Variants in TFDP2 observed in about 807,000 individuals in gnomAD.
The protein encoded by TFDP2 is transcription factor Dp-2.
A neutral mutation model predicts 59.3 loss-of-function variants in TFDP2; 17 were observed. That is an observed-to-expected ratio of 0.29 (90% CI 0.20 to 0.43). The LOEUF is 0.43. Among genes scored for constraint, TFDP2 ranks in the 20% least tolerant of loss-of-function variants. TFDP2 has a pLI of 1.00. For synonymous variants in TFDP2, 180 were observed against 194.7 expected, an observed-to-expected ratio of 0.92 and a Z score of 0.63; for missense variants, 391 against 528.8, an observed-to-expected ratio of 0.74 and a Z score of 2.56.
chr3:142,082,651 C>T (rs2060676764), intron 3 of TFDP2, among the ~76,000 whole-genome samples: 1 of 152,144 alleles, frequency 6.6e-6, no homozygotes, highest in Non-Finnish European at 1.5e-5. Flanking sequence ...TATTCAACAA[C>T]ACATTAAAAA....
chr3:141,980,365 C>T (rs910154564), intron 6 of TFDP2, among the ~76,000 whole-genome samples: 1 of 151,522 alleles, frequency 6.6e-6, no homozygotes, highest in African/African-American at 2.4e-5. Flanking sequence ...ATTGGGGTAT[C>T]CGTCATCTCA....
intron 9 of TFDP2, among the ~76,000 whole-genome samples, chr3:141,967,439 T>C (rs548494919): frequency 6.6e-6 from 1 of 151,466 alleles, no homozygotes; most frequent in South Asian, 2.1e-4. Flanking sequence ...ATTACAGGCA[T>C]GCGCCACCAT....
Position 142,097,631 on chromosome 3 carries a change from G to A in TFDP2, c.15+4104C>T, listed in dbSNP as rs2061201394. Among the ~76,000 whole-genome samples, 5 of 152,290 alleles carry A rather than the reference G, an allele frequency of 3.3e-5. No homozygotes were observed. In the South Asian group the frequency reaches 1.0e-3, roughly 32 times the overall value. On this transcript the variant is annotated intron_variant, in intron 2 of 12. Coordinates refer to ENST00000489671, the MANE Select transcript of TFDP2 (RefSeq NM_001178139.2). ...GCCCAGGAGGTGGAGGCTGCAGTGA[G>A]CCATGATCATGCCACTGCACTCCAG... is the stretch of plus-strand genomic sequence containing the variant.
At chr3:142,010,409 C>T (rs1284127864) in intron 3 of TFDP2, among the ~76,000 whole-genome samples, 1 of 152,000 alleles carries the variant, frequency 6.6e-6, no homozygotes, top group Non-Finnish European at 1.5e-5. Flanking sequence ...AAGAGTTCGA[C>T]ACCAGCTTGG....
intron 7 of TFDP2, among the ~76,000 whole-genome samples, chr3:141,977,267 T>A (rs1222456051): frequency 7.6e-5 from 11 of 143,926 alleles, no homozygotes; most frequent in East Asian, 2.0e-4. Context: ...CTCGCTAATT[T>A]AAAAAAAAAA....
At chr3:141,956,921 T>TCCACCACCACCCTGCC (rs1936748137) in intron 11 of TFDP2, among the ~76,000 whole-genome samples, 1 of 137,768 alleles carries the variant, frequency 7.3e-6, no homozygotes, top group African/African-American at 2.7e-5. Flanking sequence ...CTCTCTCCCC[T>TCCACCACCACCCTGCC]CCACCACCAC....
chr3:142,148,523 ATC>A (rs1249630449), intron 1 of TFDP2, among the ~76,000 whole-genome samples: 1 of 151,508 alleles, frequency 6.6e-6, no homozygotes, highest in Non-Finnish European at 1.5e-5. Context: ...AGGTGGATGC[ATC>A]TAATTTACAG....
intron 3 of TFDP2, among the ~76,000 whole-genome samples, chr3:142,038,062 G>T (rs1946770294): frequency 6.6e-6 from 1 of 152,126 alleles, no homozygotes; most frequent in Non-Finnish European, 1.5e-5. Flanking sequence ...GAGTGCTTGT[G>T]CTGATCCCCT....
intron 11 of TFDP2, 133 bp downstream of exon 11, chr3:141,959,541 G>T: frequency 1.1e-6 from 1 of 913,132 alleles, no homozygotes; most frequent in Non-Finnish European, 1.7e-6. Context: ...TGGTCCTAAA[G>T]TGTTAAAGGT....
chr3:142,092,732 C>A lies in TFDP2; in HGVS notation c.82+329G>T, dbSNP rs182425858. Reference sequence around the variant, plus strand: ...CAAAACACATATATACGTATTTTCTCTACTGTACTTCCTTACAACTTAAAC... The same window carrying A: ...CAAAACACATATATACGTATTTTCTATACTGTACTTCCTTACAACTTAAAC... On this transcript the variant is annotated intron_variant, in intron 3 of 12. Coordinates refer to ENST00000489671, the MANE Select transcript of TFDP2 (RefSeq NM_001178139.2). Among the ~76,000 whole-genome samples, 10 of 152,296 alleles carry A rather than the reference C, an allele frequency of 6.6e-5. No individual in the cohort carries two copies. In the East Asian group the frequency reaches 1.9e-3, roughly 29 times the overall value.
chr3:142,091,605 T>C (rs1202973324), intron 3 of TFDP2, among the ~76,000 whole-genome samples: 2 of 152,106 alleles, frequency 1.3e-5, no homozygotes, highest in Non-Finnish European at 2.9e-5. Flanking sequence ...CATTTTTATA[T>C]TGGAATATAG....
At chr3:142,097,361 G>A (rs1164547213) in intron 2 of TFDP2, among the ~76,000 whole-genome samples, 4 of 152,094 alleles carry the variant, frequency 2.6e-5, no homozygotes, top group African/African-American at 2.4e-5. Flanking sequence ...TCAATATTAG[G>A]AAACTGGTGT....
At chr3:142,141,748 G>A (rs371741171) in intron 1 of TFDP2, among the ~76,000 whole-genome samples, 6 of 152,046 alleles carry the variant, frequency 3.9e-5, no homozygotes, top group Admixed American at 1.3e-4. Flanking sequence ...ACTTGAACCC[G>A]GGAGTCGGAG....
At chr3:141,995,689 G>A (rs11569197) in intron 4 of TFDP2, among the ~76,000 whole-genome samples, 1,826 of 152,140 alleles carry the variant, frequency 0.012, 14 homozygotes, top group Non-Finnish European at 0.02. Context: ...TTCAAGACCA[G>A]CCTGGCCAAC....
intron 2 of TFDP2, among the ~76,000 whole-genome samples, chr3:142,095,921 G>A (rs1227486114): frequency 6.6e-6 from 1 of 152,040 alleles, no homozygotes; most frequent in East Asian, 1.9e-4. Context: ...AACTTCAAAA[G>A]GATCAGTTTA....
intron 2 of TFDP2, among the ~76,000 whole-genome samples, chr3:142,097,055 T>C (rs1329036245): frequency 6.6e-6 from 1 of 152,138 alleles, no homozygotes; most frequent in African/African-American, 2.4e-5. Context: ...CCAATAAACA[T>C]ACAGAATGTT....
At chr3:142,114,929 A>T (rs533015858) in intron 1 of TFDP2, among the ~76,000 whole-genome samples, 1 of 152,124 alleles carries the variant, frequency 6.6e-6, no homozygotes, top group African/African-American at 2.4e-5. Context: ...TGTTACTGCC[A>T]GTTTTCAAGA....
intron 3 of TFDP2, among the ~76,000 whole-genome samples, chr3:142,015,874 C>T (rs112396227): frequency 0.07 from 10,598 of 152,166 alleles, 475 homozygotes; most frequent in Non-Finnish European, 0.11. Flanking sequence ...ACTTCAATTG[C>T]TGAAAATGTA....
At chr3:142,106,641 T>C (rs2061482135) in intron 1 of TFDP2, among the ~76,000 whole-genome samples, 1 of 152,216 alleles carries the variant, frequency 6.6e-6, no homozygotes, top group South Asian at 2.1e-4. Context: ...GACTCAACAA[T>C]TGCACACTTC....
Sources: allele counts gnomAD v4.1 joint callset (sites outside exome capture counted in the v4.1 genomes callset), GRCh38; gene constraint gnomAD v4.1.1; transcripts MANE v1.5; gene names NCBI Gene and HGNC (gene_info 2026-07-23, HGNC 2026-07-21).